The following SRBD1 variants were observed in gnomAD, a reference collection of about 807,000 sequenced individuals.
SRBD1 encodes the protein S1 RNA binding domain 1.
SRBD1 carries 88 observed loss-of-function variants against 115.3 expected under a neutral mutation model. The observed-to-expected ratio is 0.76, with a 90% confidence interval of 0.64 to 0.91. The LOEUF (loss-of-function observed/expected upper bound fraction) is 0.91, where lower values mean the gene tolerates loss of function less well. Ranked by LOEUF, SRBD1 falls within the 40% of genes least tolerant of loss-of-function variation. The probability of loss-of-function intolerance (pLI) is 0.00; values close to 1 mark genes in which losing one functional copy is unlikely to be tolerated. For synonymous variants in SRBD1, 509 were observed against 407.7 expected (o/e 1.25, Z -2.99); for missense variants, 1,385 against 1,177.4 (o/e 1.18, Z -2.58).
At chr2:45,560,435 C>T (rs1203209707) in intron 10 of SRBD1, among the ~76,000 whole-genome samples, 1 of 152,078 alleles carries the variant, frequency 6.6e-6, no homozygotes, top group African/African-American at 2.4e-5. Flanking sequence ...CACAATAATC[C>T]CACTACTTTG....
chr2:45,389,121 G>C lies in SRBD1; in HGVS notation c.*189C>G, dbSNP rs1417692834. ...TGTGTATTAGTTGTTTCCTTTAAGGGAAAAGGAAATCAAACTGTTGGTTTT... is the reference window on the plus strand; with the variant it reads ...TGTGTATTAGTTGTTTCCTTTAAGGCAAAAGGAAATCAAACTGTTGGTTTT... On this transcript the variant is annotated 3_prime_UTR_variant, in exon 21 of 21. Transcript: ENST00000263736. The C allele has an allele frequency of 1.5e-6, 1 of 679,898 alleles. No homozygotes were observed. The highest frequency in any genetic ancestry group is 1.8e-5 in the African/African-American group (1 of 55,598). 42.1% of individuals were successfully genotyped at this position (679,898 alleles called of 1,614,324 possible).
In SRBD1 at chr2:45,580,003, T is replaced by A. The variant is rs1572801464; in HGVS notation, c.944A>T (p.Tyr315Phe). Residue 315 changes from tyrosine to phenylalanine, a missense_variant, in exon 7 of 21, where the codon TAT (tyrosine) becomes TTT (phenylalanine). Transcript: ENST00000263736. ...FEELEHVSAPYKTGSKGTKAQ... is the reference protein window; with the variant it reads ...FEELEHVSAPFKTGSKGTKAQ... Reference sequence around the variant, plus strand: ...TTTAGTCCCTTTGCTTCCAGTTTTATATGGAGCAGACTAGAAAATAAAGAC... The same window carrying A: ...TTTAGTCCCTTTGCTTCCAGTTTTAAATGGAGCAGACTAGAAAATAAAGAC... 1.9e-6 allele frequency: 3 copies of A among 1,577,856 alleles called. No homozygotes were observed. Among genetic ancestry groups the A allele is most frequent in the East Asian group, 4.5e-5 (2 of 44,154 alleles).
At chr2:45,456,773 G>T (rs1425454761) in intron 16 of SRBD1, among the ~76,000 whole-genome samples, 1 of 151,820 alleles carries the variant, frequency 6.6e-6, no homozygotes, top group Non-Finnish European at 1.5e-5. Context: ...ATGCTACTGG[G>T]AATGCTAAGT....
chr2:45,471,726 C>A (rs760582252), intron 16 of SRBD1, among the ~76,000 whole-genome samples: 7 of 152,106 alleles, frequency 4.6e-5, no homozygotes, highest in Non-Finnish European at 1.0e-4. Flanking sequence ...ATAACACCCT[C>A]TAAAATTTGG....
chr2:45,471,209 T>C (rs1470575944), intron 16 of SRBD1, among the ~76,000 whole-genome samples: 3 of 152,030 alleles, frequency 2.0e-5, no homozygotes, highest in African/African-American at 7.2e-5. Context: ...AGTTTGAAAA[T>C]CAAAAAGTGA....
At chr2:45,494,213 T>C (rs779236484) in intron 14 of SRBD1, among the ~76,000 whole-genome samples, 1 of 152,220 alleles carries the variant, frequency 6.6e-6, no homozygotes, top group Non-Finnish European at 1.5e-5. Context: ...AGCAGGCTTA[T>C]GTAATATAAT....
chr2:45,507,478 G>A (rs1420972400), intron 14 of SRBD1, among the ~76,000 whole-genome samples: 2 of 152,086 alleles, frequency 1.3e-5, no homozygotes, highest in Non-Finnish European at 2.9e-5. Context: ...TGTACTTTGG[G>A]AGGCTGAGGC....
chr2:45,415,032 T>G (rs1326264744), intron 18 of SRBD1, among the ~76,000 whole-genome samples: 1 of 67,166 alleles, frequency 1.5e-5, no homozygotes, highest in Non-Finnish European at 2.5e-5. Flanking sequence ...ACACATATAG[T>G]GTGTATATAG....
At chr2:45,422,352 G>T (rs768274742) in intron 16 of SRBD1, among the ~76,000 whole-genome samples, 2 of 152,120 alleles carry the variant, frequency 1.3e-5, no homozygotes, top group East Asian at 1.9e-4. Context: ...TTTCTGCAAG[G>T]CCATATGCTT....
chr2:45,467,845 T>C (rs969439926), intron 16 of SRBD1, among the ~76,000 whole-genome samples: 10 of 152,066 alleles, frequency 6.6e-5, no homozygotes, highest in South Asian at 2.1e-4. Context: ...CACACACTCA[T>C]CAATATATAG....
At chr2:45,506,646 A>G (rs866298058) in intron 14 of SRBD1, among the ~76,000 whole-genome samples, 6 of 152,158 alleles carry the variant, frequency 3.9e-5, no homozygotes, top group African/African-American at 1.4e-4. Flanking sequence ...CTCTATGCTC[A>G]AGTAATTTCT....
chr2:45,586,902 T>C (rs1345994386), intron 4 of SRBD1, among the ~76,000 whole-genome samples: 1 of 63,854 alleles, frequency 1.6e-5, no homozygotes, highest in Non-Finnish European at 3.3e-5. Flanking sequence ...AAATCATTGG[T>C]ATTTTAAATA....
At chr2:45,605,733 G>A (rs1336777278) in intron 1 of SRBD1, among the ~76,000 whole-genome samples, 5 of 151,984 alleles carry the variant, frequency 3.3e-5, no homozygotes, top group African/African-American at 1.2e-4. Context: ...GTGAAACTCA[G>A]TCTCTACTAA....
At chr2:45,425,826 C>T (rs150862897) in intron 16 of SRBD1, among the ~76,000 whole-genome samples, 44 of 152,326 alleles carry the variant, frequency 2.9e-4, no homozygotes, top group African/African-American at 6.7e-4. Flanking sequence ...CCAAATACTA[C>T]GCTTTTCCCG....
chr2:45,467,265 G>A (rs1669518322), intron 16 of SRBD1, among the ~76,000 whole-genome samples: 1 of 152,316 alleles, frequency 6.6e-6, no homozygotes, highest in Admixed American at 6.5e-5. Flanking sequence ...TTGGCATGTG[G>A]GGCCCACCCC....
chr2:45,424,951 C>A (rs1459011323), intron 16 of SRBD1, among the ~76,000 whole-genome samples: 1 of 152,156 alleles, frequency 6.6e-6, no homozygotes, highest in Non-Finnish European at 1.5e-5. Flanking sequence ...CATGGGATGG[C>A]ACTAGCTTGA....
At chr2:45,428,766 A>G (rs199943936) in intron 16 of SRBD1, among the ~76,000 whole-genome samples, 1 of 152,076 alleles carries the variant, frequency 6.6e-6, no homozygotes, top group East Asian at 1.9e-4. Flanking sequence ...CTAGAGAAGC[A>G]AGAGCAAACA....
chr2:45,516,018 AC>A (rs1199750098), intron 14 of SRBD1, among the ~76,000 whole-genome samples: 1 of 152,090 alleles, frequency 6.6e-6, no homozygotes, highest in East Asian at 1.9e-4. Flanking sequence ...TTTTTCTTCC[AC>A]TCTCAAAACA....
intron 16 of SRBD1, among the ~76,000 whole-genome samples, chr2:45,456,715 A>G (rs1669165891): frequency 6.6e-6 from 1 of 151,896 alleles, no homozygotes; most frequent in Admixed American, 6.6e-5. Flanking sequence ...TGAGGCCAGC[A>G]TGCTGAAGAA....
Sources: allele counts gnomAD v4.1 joint callset (sites outside exome capture counted in the v4.1 genomes callset), GRCh38; gene constraint gnomAD v4.1.1; transcripts MANE v1.5; gene names NCBI Gene and HGNC (gene_info 2026-07-23, HGNC 2026-07-21).